DIABLO: variants seen among roughly 807,000 people sequenced by gnomAD.
DIABLO encodes diablo homolog, mitochondrial.
Under a neutral mutation model 31.7 loss-of-function variants are expected in DIABLO, and 32 were observed. The ratio of observed to expected loss-of-function variants is 1.01; its 90% confidence interval spans 0.76 to 1.35. DIABLO has a LOEUF of 1.35. DIABLO is among the 40% of genes most tolerant of loss of function. The probability of loss-of-function intolerance (pLI) is 0.00; values close to 1 mark genes in which losing one functional copy is unlikely to be tolerated. For missense variants in DIABLO, 316 were observed against 286.4 expected (o/e 1.10, Z -0.75); for synonymous variants, 132 against 103.2 (o/e 1.28, Z -1.69).
In DIABLO at chr12:122,224,533, C is replaced by A. The variant is rs1407567844; in HGVS notation, c.162G>T (p.Leu54=). 1 of 1,613,846 alleles carries A rather than the reference C, an allele frequency of 6.2e-7. No individual in the cohort carries two copies. Among genetic ancestry groups the A allele is most frequent in the African/African-American group, 1.3e-5 (1 of 74,916 alleles). The part of the protein sequence containing the change: ...KTVTIGFGVT[L]CAVPIAQKSE... ...GTACCTGTGCAATAGGAACCGCACACAGGGTTACTCCAAAGCCAATCGTCA... is the reference window on the plus strand; with the variant it reads ...GTACCTGTGCAATAGGAACCGCACAAAGGGTTACTCCAAAGCCAATCGTCA... The change falls in exon 2 of 6, where the codon CTG becomes CTT. Residue 54 remains leucine (L), a synonymous_variant. Transcript: ENST00000464942.
chr12:122,216,910 G>T, intron 3 of DIABLO, 41 bp from the exon 4 acceptor site: 1 of 1,515,894 alleles, frequency 6.6e-7, no homozygotes. Flanking sequence ...AAGTAAGTGA[G>T]ACATATCAGA....
intron 2 of DIABLO, among the ~76,000 whole-genome samples, chr12:122,223,415 A>G (rs1196675886): frequency 1.3e-5 from 2 of 151,132 alleles, no homozygotes; most frequent in Non-Finnish European, 2.9e-5. Context: ...GCCTGGCAAC[A>G]GAGTGAGACT....
Position 122,216,806 on chromosome 12 carries a change from C to T in DIABLO, c.379G>A (p.Glu127Lys), listed in dbSNP as rs369759498. The T allele has an allele frequency of 1.9e-6, 3 of 1,614,186 alleles. No individual in the cohort carries two copies. The highest frequency in any genetic ancestry group is 2.5e-6 in the Non-Finnish European group (3 of 1,180,050). Residue 127 changes from glutamate (E) to lysine (K), a missense_variant, in exon 4 of 6, where the codon GAG becomes AAG. Transcript: ENST00000464942. ...YTSLLGKMNS[E>K]EEDEVWQVII... ...ACCTGCCACACTTCATCTTCCTCCT[C>T]TGAATTCATTTTCCCAAGTAAACTT...
At chr12:122,214,299 C>G (rs1365387633) in intron 5 of DIABLO, among the ~76,000 whole-genome samples, 1 of 152,116 alleles carries the variant, frequency 6.6e-6, no homozygotes, top group Non-Finnish European at 1.5e-5. Flanking sequence ...TCCTATCTTA[C>G]CCTCCCAAGT....
chr12:122,207,974 A>C lies in DIABLO; in HGVS notation c.*407T>G. The C allele has an allele frequency of 4.3e-6, 2 of 469,050 alleles. No homozygotes were observed. Among genetic ancestry groups the C allele is most frequent in the African/African-American group, 3.9e-5 (2 of 50,754 alleles). 29.1% of individuals were successfully genotyped at this position (469,050 alleles called of 1,614,324 possible). On this transcript the variant is annotated 3_prime_UTR_variant, in exon 6 of 6. Coordinates refer to ENST00000464942, the MANE Select transcript of DIABLO (RefSeq NM_001371333.1). ...TTCCCCTCCCCCTGCCACAACTGGC[A>C]TCCCAACAGAGGGAACAAGTACTAA...
rs779700233 is a variant in DIABLO, at chr12:122,208,142, G to C, written c.*239C>G. The C allele has an allele frequency of 1.5e-6, 1 of 688,652 alleles. No homozygotes were observed. The highest frequency in any genetic ancestry group is 1.5e-5 in the South Asian group (1 of 66,626). The allele number at this position is 688,652 out of a possible 1,614,324, so 42.7% of individuals were successfully genotyped here. A position where few individuals can be genotyped will look rare whatever the true frequency, so the allele number is the denominator to read the frequency against. On this transcript the variant is annotated 3_prime_UTR_variant, in exon 6 of 6. Coordinates refer to ENST00000464942, the MANE Select transcript of DIABLO (RefSeq NM_001371333.1). ...GTAAAAAAAATGGGTAAGAGCAGCT[G>C]TACAGAGTGGGGTGAAATGTTAAAC...
intron 3 of DIABLO, 111 bp downstream of exon 3, chr12:122,218,155 G>C: frequency 3.1e-6 from 4 of 1,285,900 alleles, no homozygotes; most frequent in Non-Finnish European, 4.5e-6. Flanking sequence ...AAACAAATAG[G>C]CCTGGCTATG....
At chr12:122,217,060 T>G (rs1954230607) in intron 3 of DIABLO, 191 bp from the exon 4 acceptor site, 1 of 553,514 alleles carries the variant, frequency 1.8e-6, no homozygotes, top group Non-Finnish European at 3.2e-6. Context: ...ATCTGTAAAC[T>G]TCTGTGTTTT....
chr12:122,225,365 C>A, intron 1 of DIABLO: 1 of 980,704 alleles, frequency 1.0e-6, no homozygotes, highest in Non-Finnish European at 1.2e-6. Context: ...CCAGCCTGGG[C>A]GACAGAGGCA....
At chr12:122,227,171 C>A (rs1331691154), upstream of DIABLO, among the ~76,000 whole-genome samples, 16 of 152,190 alleles carry the variant, frequency 1.1e-4, no homozygotes, top group Non-Finnish European at 2.9e-5. Flanking sequence ...TGGGCTCACC[C>A]CCGCCACCGT....
chr12:122,226,156 G>A, upstream of DIABLO: 1 of 1,248,004 alleles, frequency 8.0e-7, no homozygotes, highest in Non-Finnish European at 1.1e-6. Context: ...TGGGCAGGCA[G>A]GGGGAAAGGG....
intron 2 of DIABLO, among the ~76,000 whole-genome samples, chr12:122,223,287 T>C (rs963826300): frequency 8.6e-5 from 13 of 151,592 alleles, no homozygotes; most frequent in African/African-American, 3.2e-4. Flanking sequence ...ATACAAAAAC[T>C]AGCTGGGTGC....
intron 2 of DIABLO, among the ~76,000 whole-genome samples, chr12:122,223,461 C>T (rs1006174305): frequency 6.6e-6 from 1 of 151,642 alleles, no homozygotes; most frequent in Admixed American, 6.6e-5. Context: ...ATATCTTCTG[C>T]GGCTTCTTTT....
In DIABLO at chr12:122,208,335, CT is replaced by C. The variant is rs1266132715; in HGVS notation, c.*45del. The C allele has an allele frequency of 6.2e-7, 1 of 1,606,516 alleles. No individual in the cohort carries two copies. Among genetic ancestry groups the C allele is most frequent in the Admixed American group, 1.7e-5 (1 of 60,022 alleles). On this transcript the variant is annotated 3_prime_UTR_variant, in exon 6 of 6. Coordinates refer to ENST00000464942, the MANE Select transcript of DIABLO (RefSeq NM_001371333.1). ...ACCCTGGGCAGGGTGGCATCTGCCC[CT>C]GCTTTCCCCACTGAGTGGGGAGACA...
Position 122,216,837 on chromosome 12 carries a change from T to C in DIABLO, c.348A>G (p.Gln116=). 1 of 1,614,152 alleles carries C rather than the reference T, an allele frequency of 6.2e-7. No individual in the cohort carries two copies. The highest frequency in any genetic ancestry group is 8.5e-7 in the Non-Finnish European group (1 of 1,180,016). The part of the protein sequence containing the change: ...AVYTLTSLYR[Q]YTSLLGKMNS... The stretch of plus-strand genomic sequence containing the variant: ...TCATTTTCCCAAGTAAACTTGTATA[T>C]TGTCGGTAAAGAGAAGTTAAGGTAT... Residue 116 remains glutamine (Q), a synonymous_variant, in exon 4 of 6, where the codon CAA becomes CAG. Coordinates refer to ENST00000464942, the MANE Select transcript of DIABLO (RefSeq NM_001371333.1).
At chr12:122,220,100 C>A (rs953164266) in intron 2 of DIABLO, among the ~76,000 whole-genome samples, 1 of 151,492 alleles carries the variant, frequency 6.6e-6, no homozygotes, top group Non-Finnish European at 1.5e-5. Flanking sequence ...CCTGCCACCA[C>A]GCTTTGCTAT....
rs1223111256 is a variant in DIABLO, at chr12:122,225,956, C to T, written c.50+9G>A. On this transcript the variant is annotated intron_variant, in intron 1 of 5. Transcript: ENST00000464942. Reference sequence around the variant, plus strand: ...TGGTCCTGTCCCCTCTACGCGGCCGCAGCGGTACCTGAAGAATGAAGTTAC... The same window carrying T: ...TGGTCCTGTCCCCTCTACGCGGCCGTAGCGGTACCTGAAGAATGAAGTTAC... 3 of 1,589,964 alleles carry T rather than the reference C, an allele frequency of 1.9e-6. No homozygotes were observed. The highest frequency in any genetic ancestry group is 2.3e-5 in the South Asian group (2 of 87,794).
chr12:122,226,625 G>A (rs1438845685), upstream of DIABLO: 3 of 675,370 alleles, frequency 4.4e-6, no homozygotes, highest in South Asian at 4.6e-5. Context: ...GTCCCAGAGG[G>A]GCGGACGGGA....
At chr12:122,208,876 T>C in intron 5 of DIABLO, 1 of 450,252 alleles carries the variant, frequency 2.2e-6, no homozygotes, top group Non-Finnish European at 4.2e-6. Flanking sequence ...AGACCTTTGA[T>C]TAATTTTTTT....
Sources: allele counts gnomAD v4.1 joint callset (sites outside exome capture counted in the v4.1 genomes callset), GRCh38; gene constraint gnomAD v4.1.1; transcripts MANE v1.5; gene names NCBI Gene and HGNC (gene_info 2026-07-23, HGNC 2026-07-21).